The following GLB1 variants were observed in gnomAD, a reference collection of about 807,000 sequenced individuals.
GLB1 encodes beta-galactosidase.
Under a neutral mutation model 74.0 loss-of-function variants are expected in GLB1, and 56 were observed. That is an observed-to-expected ratio of 0.76 (90% CI 0.61 to 0.94). The LOEUF (loss-of-function observed/expected upper bound fraction) is 0.94. GLB1 is among the 40% of genes least tolerant of loss of function. The pLI, the probability that GLB1 is intolerant of heterozygous loss-of-function variation, is 0.00. For synonymous variants in GLB1, 323 were observed against 323.6 expected (o/e 1.00, Z 0.02); for missense variants, 787 against 845.5 (o/e 0.93, Z 0.86).
chr3:33,020,888 T>C (rs1340643369), intron 12 of GLB1, among the ~76,000 whole-genome samples: 1 of 152,180 alleles, frequency 6.6e-6, no homozygotes, highest in African/African-American at 2.4e-5. Context: ...AGAAAAGCAG[T>C]TGACTACATA....
chr3:33,061,339 G>A (rs1478609621), intron 5 of GLB1, among the ~76,000 whole-genome samples: 6 of 152,114 alleles, frequency 3.9e-5, no homozygotes, highest in Admixed American at 1.3e-4. Context: ...GCTTGAACCC[G>A]GGAGGCAGAG....
chr3:33,009,011 T>C (rs564608699), intron 15 of GLB1, among the ~76,000 whole-genome samples: 62 of 151,694 alleles, frequency 4.1e-4, no homozygotes, highest in Non-Finnish European at 7.1e-4. Context: ...CCCAGCTACA[T>C]GGGAGGCTGA....
At chr3:33,094,431 C>T (rs1700916258) in intron 1 of GLB1, 2 of 1,125,234 alleles carry the variant, frequency 1.8e-6, no homozygotes, top group Non-Finnish European at 2.3e-6. Flanking sequence ...CAGTCAGTTG[C>T]TAGCTATACT....
chr3:33,081,980 G>A (rs1260538000), intron 1 of GLB1, among the ~76,000 whole-genome samples: 2 of 152,220 alleles, frequency 1.3e-5, no homozygotes, highest in African/African-American at 4.8e-5. Flanking sequence ...TTTGATGGAA[G>A]GTTGGATGGA....
chr3:33,007,864 A>G (rs560788203), intron 15 of GLB1, among the ~76,000 whole-genome samples: 35 of 152,304 alleles, frequency 2.3e-4, no homozygotes, highest in African/African-American at 5.1e-4. Context: ...CCGGTTCTCA[A>G]TGCTGCCTGC....
At chr3:33,042,411 A>G (rs1575440911) in intron 10 of GLB1, among the ~76,000 whole-genome samples, 1 of 116,176 alleles carries the variant, frequency 8.6e-6, no homozygotes, top group Non-Finnish European at 1.6e-5. Flanking sequence ...TCTGTCGCCC[A>G]GGCTGGAGTG....
intron 14 of GLB1, among the ~76,000 whole-genome samples, chr3:33,015,996 G>A (rs1697223926): frequency 6.6e-6 from 1 of 152,192 alleles, no homozygotes; most frequent in Non-Finnish European, 1.5e-5. Context: ...GCTGAATAAT[G>A]CTCTAAAAAT....
intron 1 of GLB1, among the ~76,000 whole-genome samples, chr3:33,078,362 T>C (rs1358569175): frequency 6.6e-6 from 1 of 152,242 alleles, no homozygotes; most frequent in Non-Finnish European, 1.5e-5. Context: ...GAAACACTGA[T>C]GGAAATTGTG....
chr3:32,976,404 T>G, the GLB1 span, among the ~76,000 whole-genome samples: 1 of 152,342 alleles, frequency 6.6e-6, no homozygotes, highest in East Asian at 1.9e-4. Context: ...CAGGCTGCCT[T>G]GGTCCACATG....
chr3:33,090,823 T>C (rs941190055), intron 1 of GLB1: 9 of 985,268 alleles, frequency 9.1e-6, no homozygotes, highest in Admixed American at 1.2e-4. Context: ...TTTCTGCTAA[T>C]AGAAAGCAAT....
In GLB1 at chr3:33,068,379, G is replaced by A. The variant is rs1032167096; in HGVS notation, c.397-89C>T. ...AATTACTATTAGTAGTTATGGAAAAGAATAAAAGCTTCAAGGGACAAGGGG... is the reference window on the plus strand; with the variant it reads ...AATTACTATTAGTAGTTATGGAAAAAAATAAAAGCTTCAAGGGACAAGGGG... On this transcript the variant is annotated intron_variant, in intron 3 of 15. Coordinates refer to ENST00000307363, the MANE Select transcript of GLB1 (RefSeq NM_000404.4). 5.1e-6 allele frequency: 8 copies of A among 1,554,572 alleles called. No individual in the cohort carries two copies. In the Admixed American group the frequency reaches 9.4e-5, roughly 18 times the overall value.
chr3:33,073,296 A>G (rs1699955427), intron 1 of GLB1, among the ~76,000 whole-genome samples: 1 of 152,172 alleles, frequency 6.6e-6, no homozygotes, highest in South Asian at 2.1e-4. Flanking sequence ...AGACTAAAAG[A>G]ACTTTAAGGC....
chr3:33,067,002 C>CTTTTTTTTTTT (rs63579460), intron 4 of GLB1, among the ~76,000 whole-genome samples: 1 of 135,474 alleles, frequency 7.4e-6, no homozygotes, highest in Non-Finnish European at 1.6e-5. Context: ...GTTTTTATTT[C>CTTTTTTTTTTT]TTTTTTTTTT....
At chr3:33,067,797 C>T (rs979377544) in intron 4 of GLB1, among the ~76,000 whole-genome samples, 4 of 152,224 alleles carry the variant, frequency 2.6e-5, no homozygotes, top group Non-Finnish European at 5.9e-5. Flanking sequence ...AACACTCAGA[C>T]TTTCACTAAA....
In GLB1 at chr3:33,031,674, T is replaced by TAA. The variant is rs1575429291; in HGVS notation, c.1069-7351_1069-7350dup. On this transcript the variant is annotated intron_variant, in intron 10 of 15. Coordinates refer to ENST00000307363, the MANE Select transcript of GLB1 (RefSeq NM_000404.4). ...ATATATATATATATATATATATATA[T>TAA]AATCTCCACTAAATCTTGTAGTTAA... Among the ~76,000 whole-genome samples, 13 of 113,102 alleles carry TAA rather than the reference T, an allele frequency of 1.1e-4. No homozygotes were observed. In the East Asian group the frequency reaches 2.8e-3, roughly 24 times the overall value. The allele number at this position is 113,102 out of a possible 152,430, so 74.2% of individuals were successfully genotyped here.
At chr3:33,006,500 A>G (rs1366364197) in intron 15 of GLB1, among the ~76,000 whole-genome samples, 1 of 152,036 alleles carries the variant, frequency 6.6e-6, no homozygotes, top group African/African-American at 2.4e-5. Context: ...GTTGGGGACC[A>G]CTGGCATACA....
chr3:33,095,328 T>C (rs1700976274), intron 1 of GLB1, among the ~76,000 whole-genome samples: 1 of 150,652 alleles, frequency 6.6e-6, no homozygotes, highest in Non-Finnish European at 1.5e-5. Context: ...CCATCCTGGC[T>C]AACATGGTGA....
intron 12 of GLB1, among the ~76,000 whole-genome samples, chr3:33,020,380 C>T (rs1348279896): frequency 6.6e-6 from 1 of 152,180 alleles, no homozygotes; most frequent in Non-Finnish European, 1.5e-5. Context: ...ACGTGGATAA[C>T]CTTCCATTTC....
chr3:33,023,057 C>G (rs9869052), intron 11 of GLB1, among the ~76,000 whole-genome samples: 2 of 152,006 alleles, frequency 1.3e-5, no homozygotes, highest in African/African-American at 2.4e-5. Flanking sequence ...CAGTTATATG[C>G]TGATTTGCTA....
Sources: gnomAD v4.1 joint callset for allele counts (sites outside exome capture counted in the v4.1 genomes callset) on GRCh38, gnomAD v4.1.1 for gene constraint, MANE v1.5 for transcripts, NCBI Gene and HGNC (gene_info 2026-07-23, HGNC 2026-07-21) for gene names.